LDLRAD4: variants seen among roughly 807,000 people sequenced by gnomAD.
LDLRAD4 encodes the protein low-density lipoprotein receptor class A domain-containing protein 4.
A neutral mutation model predicts 17.0 loss-of-function variants in LDLRAD4; 5 were observed. The observed-to-expected ratio is 0.29, with a 90% confidence interval of 0.15 to 0.62. LDLRAD4 has a LOEUF of 0.62. Ranked by LOEUF, LDLRAD4 falls within the 20% of genes least tolerant of loss-of-function variation. LDLRAD4 has a pLI of 0.84. For missense variants in LDLRAD4, 340 were observed against 424.7 expected (o/e 0.80, Z 1.75); for synonymous variants, 168 against 171.8 (o/e 0.98, Z 0.17).
chr18:13,348,841 G>A (rs2082864594), intron 1 of LDLRAD4, among the ~76,000 whole-genome samples: 1 of 152,124 alleles, frequency 6.6e-6, no homozygotes, highest in Non-Finnish European at 1.5e-5. Context: ...AGCAATAAAC[G>A]AGGCTCCATG....
chr18:13,601,528 C>T (rs2095161578), intron 3 of LDLRAD4, among the ~76,000 whole-genome samples: 1 of 152,054 alleles, frequency 6.6e-6, no homozygotes, highest in East Asian at 1.9e-4. Flanking sequence ...GTGGCGGGCG[C>T]CTGTAGTCCC....
intron 2 of LDLRAD4, among the ~76,000 whole-genome samples, chr18:13,401,924 C>T (rs1443258624): frequency 1.3e-5 from 2 of 152,160 alleles, no homozygotes; most frequent in Non-Finnish European, 2.9e-5. Context: ...TCACGCTTCC[C>T]TGAGGTTTGT....
chr18:13,309,160 A>G (rs188359089), intron 1 of LDLRAD4, among the ~76,000 whole-genome samples: 1 of 152,348 alleles, frequency 6.6e-6, no homozygotes, highest in Admixed American at 6.5e-5. Context: ...TCCTTGGTGC[A>G]GAGGCCTGTG....
intron 2 of LDLRAD4, among the ~76,000 whole-genome samples, chr18:13,434,643 T>G (rs2090542924): frequency 6.6e-6 from 1 of 152,230 alleles, no homozygotes; most frequent in Non-Finnish European, 1.5e-5. Flanking sequence ...TCTGTCAAAG[T>G]GTAGTTTAGG....
intron 1 of LDLRAD4, among the ~76,000 whole-genome samples, chr18:13,262,038 GCATGGAAACTGAGTCCCGTGCGGCTC>G (rs2043854017): frequency 2.0e-5 from 3 of 149,858 alleles, no homozygotes; most frequent in Admixed American, 6.6e-5. Flanking sequence ...GTGGCTCTGT[GCATGGAAACTGAGTCCCGTGCGGCTC>G]TGTGCGTGGA....
chr18:13,502,016 G>A (rs929161135), intron 3 of LDLRAD4, among the ~76,000 whole-genome samples: 11 of 152,236 alleles, frequency 7.2e-5, no homozygotes, highest in African/African-American at 1.4e-4. Flanking sequence ...GGTAGGTGCC[G>A]TAGGCAAATT....
At chr18:13,623,637 C>T (rs184492325) in intron 4 of LDLRAD4, among the ~76,000 whole-genome samples, 6 of 152,348 alleles carry the variant, frequency 3.9e-5, no homozygotes, top group South Asian at 2.1e-4. Flanking sequence ...CTCCACTTCC[C>T]GATCTGGTGT....
intron 2 of LDLRAD4, among the ~76,000 whole-genome samples, chr18:13,430,591 T>TTA (rs2090268341): frequency 6.6e-6 from 1 of 152,200 alleles, no homozygotes; most frequent in Admixed American, 6.5e-5. Context: ...TGTGTCTTGA[T>TTA]CAGGGTGCTG....
chr18:13,428,644 TGGA>T (rs1382148066), intron 2 of LDLRAD4, among the ~76,000 whole-genome samples: 1 of 151,784 alleles, frequency 6.6e-6, no homozygotes, highest in Non-Finnish European at 1.5e-5. Context: ...GATTGTACCT[TGGA>T]GGAGGGTGAC....
At chr18:13,247,168 G>T (rs1305776245) in intron 1 of LDLRAD4, among the ~76,000 whole-genome samples, 2 of 152,116 alleles carry the variant, frequency 1.3e-5, no homozygotes, top group African/African-American at 4.8e-5. Context: ...GGCAACGGCA[G>T]GATTTTAAAC....
intron 2 of LDLRAD4, among the ~76,000 whole-genome samples, chr18:13,432,149 T>G (rs993700695): frequency 1.6e-4 from 24 of 152,104 alleles, no homozygotes; most frequent in Non-Finnish European, 3.5e-4. Context: ...GGGGAGTGAG[T>G]GCGTGCATCA....
intron 2 of LDLRAD4, among the ~76,000 whole-genome samples, chr18:13,426,666 T>C (rs1430330605): frequency 6.6e-6 from 1 of 152,342 alleles, no homozygotes; most frequent in East Asian, 1.9e-4. Context: ...CCAAAAGCCA[T>C]TCTTTTAAGT....
chr18:13,304,627 A>G (rs1055344267), intron 1 of LDLRAD4, among the ~76,000 whole-genome samples: 2 of 152,220 alleles, frequency 1.3e-5, no homozygotes, highest in African/African-American at 2.4e-5. Flanking sequence ...ACACCGACAC[A>G]CGCTTCAATC....
chr18:13,394,303 A>C (rs1229828957), intron 2 of LDLRAD4, among the ~76,000 whole-genome samples: 1 of 152,188 alleles, frequency 6.6e-6, no homozygotes, highest in Non-Finnish European at 1.5e-5. Context: ...TTTCAAGATA[A>C]TCAAATGTGA....
intron 3 of LDLRAD4, among the ~76,000 whole-genome samples, chr18:13,530,827 C>T (rs1427974619): frequency 1.7e-5 from 2 of 119,158 alleles, no homozygotes; most frequent in Admixed American, 2.4e-4. Context: ...GCATGAGAAC[C>T]ATAGCATTTG....
At chr18:13,427,066 G>A (rs1600188360) in intron 2 of LDLRAD4, among the ~76,000 whole-genome samples, 1 of 152,052 alleles carries the variant, frequency 6.6e-6, no homozygotes. Flanking sequence ...CACACCTGTA[G>A]TCCCAGCTAC....
chr18:13,619,523 G>GT (rs1568415563), intron 3 of LDLRAD4, among the ~76,000 whole-genome samples: 1 of 144,300 alleles, frequency 6.9e-6, no homozygotes, highest in Non-Finnish European at 1.5e-5. Flanking sequence ...GCCGGGGGGG[G>GT]GCGGGGGTGG....
At chr18:13,235,176 G>A (rs9955376) in intron 1 of LDLRAD4, 70,374 of 151,826 alleles carry the variant, frequency 0.46, 16,869 homozygotes, top group African/African-American at 0.59. Context: ...GTTTAAACCC[G>A]GGAGGTAGAG....
chr18:13,563,233 C>T (rs1489328363), intron 3 of LDLRAD4, among the ~76,000 whole-genome samples: 6 of 152,220 alleles, frequency 3.9e-5, no homozygotes, highest in Non-Finnish European at 7.3e-5. Flanking sequence ...AGCATGTTCA[C>T]AACCCCCAAT....
Sources: allele counts gnomAD v4.1 joint callset (sites outside exome capture counted in the v4.1 genomes callset), GRCh38; gene constraint gnomAD v4.1.1; transcripts MANE v1.5; gene names NCBI Gene and HGNC (gene_info 2026-07-23, HGNC 2026-07-21).